CSTPP1: variants seen among roughly 807,000 people sequenced by gnomAD.
The protein encoded by CSTPP1 is centriolar satellite-associated tubulin polyglutamylase complex regulator 1.
the CSTPP1 span, among the ~76,000 whole-genome samples, chr11:47,045,057 A>T: frequency 3.3e-5 from 5 of 152,218 alleles, no homozygotes; most frequent in African/African-American, 1.2e-4. Context: ...GTTTATATGA[A>T]TTATAAGAAT....
the CSTPP1 span, among the ~76,000 whole-genome samples, chr11:46,959,935 CG>C: frequency 2.1e-5 from 3 of 141,204 alleles, no homozygotes; most frequent in African/African-American, 8.3e-5. Flanking sequence ...GGTGCGATTT[CG>C]GCTCACTGCA....
chr11:47,019,088 A>G, the CSTPP1 span, among the ~76,000 whole-genome samples: 1 of 151,530 alleles, frequency 6.6e-6, no homozygotes. Context: ...GCTCACTACA[A>G]CCTCTGCCTC....
chr11:46,975,118 A>T, the CSTPP1 span, among the ~76,000 whole-genome samples: 1 of 151,646 alleles, frequency 6.6e-6, no homozygotes, highest in African/African-American at 2.4e-5. Flanking sequence ...TCTACAAAAA[A>T]ATTTAAAAGT....
chr11:46,965,346 T>G, the CSTPP1 span, among the ~76,000 whole-genome samples: 1 of 150,352 alleles, frequency 6.7e-6, no homozygotes, highest in African/African-American at 2.5e-5. Flanking sequence ...TTCCTCAGCC[T>G]CCTGAGTAGC....
At chr11:47,136,448 T>C in the CSTPP1 span, among the ~76,000 whole-genome samples, 1 of 152,194 alleles carries the variant, frequency 6.6e-6, no homozygotes, top group Non-Finnish European at 1.5e-5. Context: ...AGTCTGTTCC[T>C]TTGGTGTTTC....
the CSTPP1 span, among the ~76,000 whole-genome samples, chr11:46,937,037 T>C: frequency 6.6e-6 from 1 of 151,962 alleles, no homozygotes; most frequent in Non-Finnish European, 1.5e-5. Context: ...ACCTGGGAAG[T>C]AAAGAATGTT....
the CSTPP1 span, among the ~76,000 whole-genome samples, chr11:46,954,523 T>C: frequency 2.6e-5 from 4 of 152,072 alleles, no homozygotes; most frequent in Non-Finnish European, 2.9e-5. Flanking sequence ...CACTTCAGCC[T>C]GGGCGACACA....
the CSTPP1 span, among the ~76,000 whole-genome samples, chr11:46,970,895 A>T: frequency 6.6e-6 from 1 of 152,216 alleles, no homozygotes; most frequent in Non-Finnish European, 1.5e-5. Flanking sequence ...AACAATTAAT[A>T]AATTATGGTA....
the CSTPP1 span, among the ~76,000 whole-genome samples, chr11:47,128,932 G>A: frequency 6.6e-6 from 1 of 152,092 alleles, no homozygotes; most frequent in South Asian, 2.1e-4. Context: ...ACACCCCCCA[G>A]AAATAAATTT....
chr11:46,995,861 T>A, the CSTPP1 span, among the ~76,000 whole-genome samples: 6 of 152,278 alleles, frequency 3.9e-5, no homozygotes, highest in East Asian at 1.9e-4. Flanking sequence ...TGATCTGTCA[T>A]ATGTTGACAG....
chr11:47,015,319 C>T, the CSTPP1 span, among the ~76,000 whole-genome samples: 20 of 150,810 alleles, frequency 1.3e-4, no homozygotes, highest in African/African-American at 4.6e-4. Flanking sequence ...AAAAAAAATA[C>T]AAAAATTAGC....
At chr11:47,076,534 A>T in the CSTPP1 span, among the ~76,000 whole-genome samples, 1 of 152,172 alleles carries the variant, frequency 6.6e-6, no homozygotes, top group Non-Finnish European at 1.5e-5. Context: ...TATGATAGCC[A>T]GAAGCCAAAA....
the CSTPP1 span, among the ~76,000 whole-genome samples, chr11:47,122,091 A>AAAAAAAAAAAATAT: frequency 6.6e-4 from 21 of 31,832 alleles, no homozygotes; most frequent in East Asian, 1.4e-3. Flanking sequence ...AAAAAAAAAA[A>AAAAAAAAAAAATAT]ATATATATAT....
At chr11:47,045,267 C>CT in the CSTPP1 span, among the ~76,000 whole-genome samples, 1 of 152,182 alleles carries the variant, frequency 6.6e-6, no homozygotes, top group Non-Finnish European at 1.5e-5. Flanking sequence ...GCATTTACCA[C>CT]TCACAGGCTT....
the CSTPP1 span, chr11:47,137,185 C>T: frequency 2.1e-6 from 2 of 964,218 alleles, no homozygotes; most frequent in South Asian, 3.0e-5. Flanking sequence ...TCTCCCTACA[C>T]AGCAAGACTG....
chr11:47,089,153 G>A, the CSTPP1 span, among the ~76,000 whole-genome samples: 7 of 152,102 alleles, frequency 4.6e-5, no homozygotes, highest in African/African-American at 1.7e-4. Flanking sequence ...TCCCCTGAGG[G>A]CAAGGAGTAA....
At chr11:47,137,922 G>C in the CSTPP1 span, 1 of 625,238 alleles carries the variant, frequency 1.6e-6, no homozygotes, top group Non-Finnish European at 2.8e-6. Context: ...ATGATCCTTT[G>C]TGGTTTCTGT....
At chr11:47,035,649 C>G in the CSTPP1 span, among the ~76,000 whole-genome samples, 1 of 152,072 alleles carries the variant, frequency 6.6e-6, no homozygotes, top group Non-Finnish European at 1.5e-5. Context: ...CATGTATGGT[C>G]TGTGTGTGTG....
chr11:47,086,163 C>T, the CSTPP1 span, among the ~76,000 whole-genome samples: 19 of 135,398 alleles, frequency 1.4e-4, no homozygotes, highest in South Asian at 2.4e-4. Flanking sequence ...TGGAGTCGGG[C>T]GGATCACTTG....
Sources: allele counts gnomAD v4.1 joint callset (sites outside exome capture counted in the v4.1 genomes callset), GRCh38; gene constraint gnomAD v4.1.1; transcripts MANE v1.5; gene names NCBI Gene and HGNC (gene_info 2026-07-23, HGNC 2026-07-21).